The following TRAPPC2L variants were observed in gnomAD, a reference collection of about 807,000 sequenced individuals.
TRAPPC2L encodes trafficking protein particle complex subunit 2L.
In TRAPPC2L, 17 loss-of-function variants were observed where a neutral mutation model predicts 13.2. The observed-to-expected ratio is 1.29, with a 90% CI of 0.88 to 1.93. The LOEUF is 1.93. Ranked by LOEUF, TRAPPC2L falls within the 30% of genes most tolerant of loss-of-function variation. The pLI is 0.00. For synonymous variants in TRAPPC2L, 150 were observed against 98.1 expected (o/e 1.53, Z -3.12); for missense variants, 359 against 252.1 (o/e 1.42, Z -2.87).
At chr16:88,857,909 C>G (rs886115927) in intron 1 of TRAPPC2L, among the ~76,000 whole-genome samples, 1 of 152,204 alleles carries the variant, frequency 6.6e-6, no homozygotes, top group Non-Finnish European at 1.5e-5. Flanking sequence ...CAGGGTCTCC[C>G]GAGACCAGAC....
At chr16:88,859,642 C>G (rs200389782) in intron 2 of TRAPPC2L, 21 bp from the exon 3 acceptor site, 379 of 1,612,822 alleles carry the variant, frequency 2.3e-4, no homozygotes, top group Non-Finnish European at 3.1e-4. Context: ...TTACGAGTGC[C>G]TTCCCTAACC....
exon 4 of TRAPPC2L, chr16:88,861,737 A>C (rs1172452180): frequency 2.2e-6 from 1 of 455,610 alleles, no homozygotes; most frequent in Non-Finnish European, 4.4e-6. Context: ...CGCTGAGGGG[A>C]CCCCCCCGGA....
exon 2 of TRAPPC2L, chr16:88,858,661 C>G: frequency 6.2e-7 from 1 of 1,613,478 alleles, no homozygotes; most frequent in Middle Eastern, 1.6e-4. Flanking sequence ...GGAGAACGAG[C>G]TGAAGTTCCA....
exon 4 of TRAPPC2L, chr16:88,861,800 C>A (rs1338047865): frequency 2.6e-6 from 1 of 384,702 alleles, no homozygotes; most frequent in Admixed American, 2.9e-5. Context: ...ACCTTGAGGA[C>A]CCCAGAAGCC....
At chr16:88,860,814 C>T in exon 4 of TRAPPC2L, 2 of 1,340,092 alleles carry the variant, frequency 1.5e-6, no homozygotes, top group Non-Finnish European at 2.1e-6. Context: ...TGGAGAAGGT[C>T]CCGAGCATCC....
exon 4 of TRAPPC2L, chr16:88,861,516 C>A (rs1442733954): frequency 1.6e-5 from 6 of 380,188 alleles, no homozygotes; most frequent in East Asian, 1.6e-4. Context: ...ACCTGGGAAG[C>A]CTCGTGGCCC....
At chr16:88,858,673 T>C in exon 2 of TRAPPC2L, 3 of 1,613,544 alleles carry the variant, frequency 1.9e-6, no homozygotes, top group Non-Finnish European at 2.5e-6. Context: ...GAAGTTCCAC[T>C]ACATGGTGCA....
At chr16:88,861,059 C>A (rs1377781303) in exon 4 of TRAPPC2L, 5 of 1,201,456 alleles carry the variant, frequency 4.2e-6, no homozygotes, top group Non-Finnish European at 4.8e-6. Flanking sequence ...ACGCCTGGGG[C>A]TTTCAGGGCA....
At chr16:88,856,739 T>C (rs1597614899), upstream of TRAPPC2L, 5 of 1,060,776 alleles carry the variant, frequency 4.7e-6, no homozygotes, top group Non-Finnish European at 5.3e-6. Flanking sequence ...CCCTGCCCCG[T>C]CCCACCGCCC....
chr16:88,859,827 G>C (rs1215103045), intron 3 of TRAPPC2L, 66 bp from the exon 4 acceptor site: 1 of 1,584,924 alleles, frequency 6.3e-7, no homozygotes, highest in African/African-American at 1.4e-5. Flanking sequence ...GAAATGCTGA[G>C]AAACTAAAAA....
chr16:88,857,012 ACGGGAGG>A (rs1295627692), upstream of TRAPPC2L: 4 of 1,387,404 alleles, frequency 2.9e-6, no homozygotes, highest in African/African-American at 6.1e-5. Flanking sequence ...CCGCGGAGGG[ACGGGAGG>A]CGGGGCCTGG....
At chr16:88,862,052 A>G (rs944475185) in exon 4 of TRAPPC2L, 1 of 170,538 alleles carries the variant, frequency 5.9e-6, no homozygotes, top group African/African-American at 2.4e-5. Flanking sequence ...ATCTGGGTGC[A>G]TGTGGGCCAC....
In TRAPPC2L at chr16:88,859,986, T is replaced by A. The variant is rs1192139438; in HGVS notation, c.388T>A (p.Ser130Thr). Residue 130 changes from serine to threonine, a missense_variant, in exon 4 of 4, where the codon TCT becomes ACT. Transcript: ENST00000565504. ...CATCCAGTCCAGGTGGGCCCTACTTTCTGTGTCTTGCCACCTTCTTTCTGT... is the reference window on the plus strand; with the variant it reads ...CATCCAGTCCAGGTGGGCCCTACTTACTGTGTCTTGCCACCTTCTTTCTGT... 6.8e-6 allele frequency: 11 copies of A among 1,613,020 alleles called. No individual in the cohort carries two copies. The Admixed American group carries it at 1.7e-4, about 24-fold the overall frequency.
chr16:88,858,304 C>G (rs562047335), intron 1 of TRAPPC2L, among the ~76,000 whole-genome samples: 1 of 152,294 alleles, frequency 6.6e-6, no homozygotes, highest in Non-Finnish European at 1.5e-5. Flanking sequence ...GAGTGGCCTC[C>G]AGGAGAAGGT....
intron 1 of TRAPPC2L, among the ~76,000 whole-genome samples, chr16:88,858,189 G>A (rs1968101161): frequency 6.6e-6 from 1 of 152,232 alleles, no homozygotes; most frequent in South Asian, 2.1e-4. Context: ...TTTGAGCTGA[G>A]TCTTGAAGGG....
chr16:88,857,163 A>G (rs779271992), exon 1 of TRAPPC2L: 11 of 1,582,634 alleles, frequency 7.0e-6, no homozygotes, highest in African/African-American at 2.8e-5. Context: ...GGCGGTGTGC[A>G]TCGCGGTGAT....
chr16:88,859,249 G>T, intron 2 of TRAPPC2L: 1 of 549,830 alleles, frequency 1.8e-6, no homozygotes, highest in South Asian at 1.5e-5. Flanking sequence ...CATGTAGCCT[G>T]TCCATGGTGA....
At chr16:88,859,297 C>T (rs1968207880) in intron 2 of TRAPPC2L, 3 of 618,374 alleles carry the variant, frequency 4.9e-6, no homozygotes, top group East Asian at 3.4e-5. Context: ...AATAATGTGG[C>T]CTCTAGAGAG....
At chr16:88,859,038 G>C (rs563779053) in intron 2 of TRAPPC2L, 2 of 540,182 alleles carry the variant, frequency 3.7e-6, no homozygotes, top group Non-Finnish European at 6.6e-6. Context: ...TGTCTGGTTT[G>C]CAGAGGAAGT....
Sources: allele counts gnomAD v4.1 joint callset (sites outside exome capture counted in the v4.1 genomes callset), GRCh38; gene constraint gnomAD v4.1.1; transcripts MANE v1.5; gene names NCBI Gene and HGNC (gene_info 2026-07-23, HGNC 2026-07-21).